ZNF30: variants seen among roughly 807,000 people sequenced by gnomAD.
ZNF30 encodes zinc finger protein 30, also known as zinc finger protein 30 (KOX 28).
Under a neutral mutation model 13.2 loss-of-function variants are expected in ZNF30, and 15 were observed. That is an observed-to-expected ratio of 1.13 (90% CI 0.76 to 1.75). The LOEUF (loss-of-function observed/expected upper bound fraction) is 1.75. Ranked by LOEUF, ZNF30 falls within the 40% of genes most tolerant of loss-of-function variation. The probability of loss-of-function intolerance (pLI) is 0.00; values close to 1 mark genes in which losing one functional copy is unlikely to be tolerated. For missense variants in ZNF30, 726 were observed against 757.0 expected (o/e 0.96, Z 0.48); for synonymous variants, 223 against 256.6 (o/e 0.87, Z 1.25).
At chr19:34,932,825 G>T (rs924110557) in intron 3 of ZNF30, among the ~76,000 whole-genome samples, 12 of 148,646 alleles carry the variant, frequency 8.1e-5, no homozygotes, top group African/African-American at 2.8e-4. Context: ...CTGTTGCCCA[G>T]GCTGGAGTGC....
chr19:34,924,794 A>C (rs2012007210), upstream of ZNF30, among the ~76,000 whole-genome samples: 1 of 152,260 alleles, frequency 6.6e-6, no homozygotes, highest in Admixed American at 6.5e-5. Flanking sequence ...CACTTTAGAC[A>C]TGAATAGCCT....
intron 2 of ZNF30, among the ~76,000 whole-genome samples, chr19:34,930,777 A>G (rs2012406650): frequency 6.6e-6 from 1 of 152,044 alleles, no homozygotes; most frequent in South Asian, 2.1e-4. Flanking sequence ...ACAGAAGGAC[A>G]CTTGGAGCCC....
intron 1 of ZNF30, among the ~76,000 whole-genome samples, chr19:34,929,215 G>A (rs1476758587): frequency 6.6e-6 from 1 of 152,186 alleles, no homozygotes; most frequent in Admixed American, 6.5e-5. Flanking sequence ...TCTGGGTGGC[G>A]TAGGTTGCCG....
At chr19:34,933,779 T>A (rs2012587343) in intron 4 of ZNF30, 56 bp downstream of exon 4, 2 of 1,233,594 alleles carry the variant, frequency 1.6e-6, no homozygotes, top group Non-Finnish European at 2.3e-6. Context: ...AGCCCAGCTG[T>A]CAGGGAGGAA....
At chr19:34,930,245 C>T (rs1043074836) in intron 2 of ZNF30, among the ~76,000 whole-genome samples, 1 of 152,196 alleles carries the variant, frequency 6.6e-6, no homozygotes, top group African/African-American at 2.4e-5. Flanking sequence ...AGTATTTGAG[C>T]TTCCTACATC....
intron 4 of ZNF30, among the ~76,000 whole-genome samples, chr19:34,937,366 A>C (rs1328382624): frequency 6.6e-6 from 1 of 151,426 alleles, no homozygotes; most frequent in African/African-American, 2.4e-5. Flanking sequence ...TGCAAAAGAG[A>C]CTGCCTCTTT....
At chr19:34,938,161 C>T (rs1568541085) in intron 4 of ZNF30, among the ~76,000 whole-genome samples, 1 of 152,084 alleles carries the variant, frequency 6.6e-6, no homozygotes, top group Non-Finnish European at 1.5e-5. Context: ...GAAAGCCTGA[C>T]TGGTCTGGTA....
rs188806501 is a variant in ZNF30 at position 34,935,786 on chromosome 19, A to G, written c.256+2063A>G. Among the ~76,000 whole-genome samples, 435 of 150,000 alleles carry G rather than the reference A, an allele frequency of 2.9e-3. 13 individuals are homozygous for G. The highest frequency in any genetic ancestry group is 0.01 in the African/African-American group (416 of 40,528). On this transcript the variant is annotated intron_variant, in intron 4 of 4. Transcript: ENST00000601142. ...GGGTATTTGTTTAAATTCAAAAACA[A>G]TGCTACCACTTCCACCATTGTGGTA... is the stretch of plus-strand genomic sequence containing the variant.
intron 4 of ZNF30, among the ~76,000 whole-genome samples, chr19:34,941,378 C>T (rs1000579247): frequency 2.0e-5 from 3 of 152,200 alleles, no homozygotes; most frequent in African/African-American, 7.2e-5. Context: ...GATTCTCCTG[C>T]CTCAGCCTCC....
chr19:34,933,829 C>T (rs2012589150), intron 4 of ZNF30, 106 bp downstream of exon 4: 2 of 765,770 alleles, frequency 2.6e-6, no homozygotes, highest in Non-Finnish European at 2.2e-6. Flanking sequence ...CTTCAAAGCC[C>T]TAGGGCCTGG....
At chr19:34,928,248 T>G (rs1255738974) in intron 1 of ZNF30, among the ~76,000 whole-genome samples, 650 of 53,024 alleles carry the variant, frequency 0.012, 10 homozygotes, top group African/African-American at 0.061. Context: ...TATATATATA[T>G]ATATATAGAT....
chr19:34,931,804 C>G, intron 2 of ZNF30, 39 bp from the exon 3 acceptor site: 1 of 1,594,460 alleles, frequency 6.3e-7, no homozygotes, highest in Non-Finnish European at 8.5e-7. Context: ...TTTATTCCCT[C>G]TCCTTTCACC....
chr19:34,932,006 C>A lies in ZNF30; in HGVS notation c.160+13C>A. 1.3e-6 allele frequency: 2 copies of A among 1,557,044 alleles called. No homozygotes were observed. Among genetic ancestry groups the A allele is most frequent in the Middle Eastern group, 1.7e-4 (1 of 5,876 alleles). On this transcript the variant is annotated intron_variant, in intron 3 of 4. Transcript: ENST00000601142. ...TTGGTGTCAATGGGTAAGTGTACTT[C>A]TCTCAAATAATTGAGAATCTGCTCC...
intron 4 of ZNF30, among the ~76,000 whole-genome samples, chr19:34,935,413 C>T (rs1256473558): frequency 1.3e-5 from 2 of 152,118 alleles, no homozygotes; most frequent in African/African-American, 4.8e-5. Context: ...TTACCTTTCT[C>T]CCTCCCTGAT....
chr19:34,939,927 C>T (rs546094794), intron 4 of ZNF30, among the ~76,000 whole-genome samples: 14 of 152,146 alleles, frequency 9.2e-5, no homozygotes, highest in Non-Finnish European at 1.8e-4. Context: ...ATTACTGTCT[C>T]GTAGTAGATT....
intron 4 of ZNF30, among the ~76,000 whole-genome samples, chr19:34,936,237 G>A (rs1452598089): frequency 6.6e-6 from 1 of 152,216 alleles, no homozygotes; most frequent in Non-Finnish European, 1.5e-5. Flanking sequence ...ATGGGGGCAA[G>A]AGCAGTGCAA....
chr19:34,940,667 C>CAAAAAAA (rs59553578), intron 4 of ZNF30, among the ~76,000 whole-genome samples: 70 of 63,832 alleles, frequency 1.1e-3, no homozygotes, highest in Non-Finnish European at 1.5e-3. Flanking sequence ...GACTCCGTCT[C>CAAAAAAA]AAAAAAAAAA....
upstream of ZNF30, chr19:34,926,720 T>C: frequency 2.6e-6 from 1 of 387,312 alleles, no homozygotes; most frequent in Non-Finnish European, 4.6e-6. Context: ...TGTTTTTGCT[T>C]TTTCTGACCT....
At chr19:34,925,075 T>G (rs2012016025), upstream of ZNF30, among the ~76,000 whole-genome samples, 1 of 152,158 alleles carries the variant, frequency 6.6e-6, no homozygotes, top group South Asian at 2.1e-4. Context: ...TTCTTCAGTG[T>G]CCCGCTGCTC....
Sources: allele counts gnomAD v4.1 joint callset (sites outside exome capture counted in the v4.1 genomes callset), GRCh38; gene constraint gnomAD v4.1.1; transcripts MANE v1.5; gene names NCBI Gene and HGNC (gene_info 2026-07-23, HGNC 2026-07-21).